The following RPS6KC1 variants were observed in gnomAD, a reference collection of about 807,000 sequenced individuals.
RPS6KC1 encodes the protein inactive ribosomal protein S6 kinase delta-1.
A neutral mutation model predicts 103.8 loss-of-function variants in RPS6KC1; 54 were observed. The ratio of observed to expected loss-of-function variants is 0.52; its 90% CI spans 0.42 to 0.65. The LOEUF is 0.65. Among genes scored for constraint, RPS6KC1 ranks in the 30% least tolerant of loss-of-function variants. RPS6KC1 has a pLI of 0.00. For synonymous variants in RPS6KC1, 439 were observed against 438.7 expected, an observed-to-expected ratio of 1.00 and a Z score of -0.01; for missense variants, 1,151 against 1,253.8, an observed-to-expected ratio of 0.92 and a Z score of 1.24.
At chr1:213,147,027 GT>G (rs912300419) in intron 6 of RPS6KC1, among the ~76,000 whole-genome samples, 4 of 152,088 alleles carry the variant, frequency 2.6e-5, no homozygotes, top group African/African-American at 9.6e-5. Flanking sequence ...TCTTATGCCC[GT>G]TTTTTGATTG....
intron 8 of RPS6KC1, among the ~76,000 whole-genome samples, chr1:213,217,774 CAT>C (rs1461474386): frequency 1.3e-5 from 2 of 152,210 alleles, no homozygotes; most frequent in African/African-American, 2.4e-5. Flanking sequence ...ACAAAAACCA[CAT>C]GATTACCTCA....
chr1:213,492,548 C>T, the RPS6KC1 span: 6 of 152,206 alleles, frequency 3.9e-5, no homozygotes, highest in African/African-American at 1.4e-4. Context: ...AAGGATTCTC[C>T]ACCTCCTTTT....
chr1:213,635,810 G>T, the RPS6KC1 span, among the ~76,000 whole-genome samples: 1 of 152,114 alleles, frequency 6.6e-6, no homozygotes, highest in Admixed American at 6.6e-5. Flanking sequence ...ATTCAAATAG[G>T]AAAAGAGGAA....
chr1:213,061,032 C>T (rs1181923263), intron 1 of RPS6KC1, among the ~76,000 whole-genome samples: 1 of 152,206 alleles, frequency 6.6e-6, no homozygotes, highest in African/African-American at 2.4e-5. Context: ...GATTTGCATA[C>T]AGCTGCCTTC....
the RPS6KC1 span, among the ~76,000 whole-genome samples, chr1:213,855,361 C>G: frequency 6.6e-6 from 1 of 152,218 alleles, no homozygotes; most frequent in Non-Finnish European, 1.5e-5. Flanking sequence ...CAACACTTCT[C>G]TTGTATTTCA....
the RPS6KC1 span, among the ~76,000 whole-genome samples, chr1:213,700,711 G>C: frequency 6.6e-6 from 1 of 151,412 alleles, no homozygotes; most frequent in Admixed American, 6.6e-5. Context: ...TCCAGTTTTT[G>C]GTACCCTCTT....
At chr1:213,298,691 CT>C in the RPS6KC1 span, among the ~76,000 whole-genome samples, 2 of 151,960 alleles carry the variant, frequency 1.3e-5, no homozygotes, top group Non-Finnish European at 2.9e-5. Context: ...CAGCAATCAT[CT>C]TTTTAATTTC....
chr1:213,196,666 A>G (rs1251276970), intron 8 of RPS6KC1, among the ~76,000 whole-genome samples: 1 of 152,158 alleles, frequency 6.6e-6, no homozygotes, highest in East Asian at 1.9e-4. Context: ...GTGTAAGGCG[A>G]GAGATGAGGA....
At chr1:213,779,905 T>C in the RPS6KC1 span, among the ~76,000 whole-genome samples, 1 of 152,144 alleles carries the variant, frequency 6.6e-6, no homozygotes, top group Non-Finnish European at 1.5e-5. Flanking sequence ...GGAAGAAGAT[T>C]GAGGAGAAGA....
At chr1:213,349,015 C>G in the RPS6KC1 span, among the ~76,000 whole-genome samples, 1 of 152,202 alleles carries the variant, frequency 6.6e-6, no homozygotes, top group Non-Finnish European at 1.5e-5. Flanking sequence ...CTAGGTGTCT[C>G]TTTCTCAAAT....
the RPS6KC1 span, among the ~76,000 whole-genome samples, chr1:213,583,923 G>A: frequency 8.7e-4 from 133 of 152,110 alleles, no homozygotes; most frequent in Non-Finnish European, 1.3e-3. Flanking sequence ...GGTCTGGAGT[G>A]AAGCTTCGGA....
the RPS6KC1 span, among the ~76,000 whole-genome samples, chr1:213,471,419 A>G: frequency 6.6e-6 from 1 of 152,198 alleles, no homozygotes; most frequent in Non-Finnish European, 1.5e-5. Flanking sequence ...TATTAAAGGA[A>G]TATGGTTAAC....
At chr1:213,648,448 A>G in the RPS6KC1 span, among the ~76,000 whole-genome samples, 1 of 152,140 alleles carries the variant, frequency 6.6e-6, no homozygotes. Context: ...ATAATCATCC[A>G]GGTGATGACC....
In RPS6KC1 at chr1:213,152,606, G is replaced by T. The variant is rs545940569; in HGVS notation, c.836-15252G>T. 4.7e-3 allele frequency among the ~76,000 whole-genome samples: 714 copies of T among 150,642 alleles called. 4 individuals are homozygous for T. The highest frequency in any genetic ancestry group is 0.014 in the African/African-American group (582 of 41,014). On this transcript the variant is annotated intron_variant, in intron 6 of 14. Transcript: ENST00000366960. ...GTGCTCCTCACATCCCAGACGGGGC[G>T]GCGGGGCAGAGGCGCTCCCCACATC... is the stretch of plus-strand genomic sequence containing the variant.
At chr1:213,580,965 G>A in the RPS6KC1 span, among the ~76,000 whole-genome samples, 2 of 152,186 alleles carry the variant, frequency 1.3e-5, no homozygotes, top group South Asian at 2.1e-4. Flanking sequence ...AAGTATGCCT[G>A]TATACAGGAA....
intron 8 of RPS6KC1, among the ~76,000 whole-genome samples, chr1:213,222,736 A>T (rs1296791441): frequency 6.6e-6 from 1 of 152,238 alleles, no homozygotes; most frequent in Non-Finnish European, 1.5e-5. Context: ...CACATTTTGG[A>T]TGTTTTAAGA....
the RPS6KC1 span, among the ~76,000 whole-genome samples, chr1:213,616,353 G>A: frequency 1.1e-4 from 16 of 152,314 alleles, no homozygotes; most frequent in South Asian, 4.1e-4. Flanking sequence ...AGGGCAGGGC[G>A]GGGCAGGACA....
intron 6 of RPS6KC1, among the ~76,000 whole-genome samples, chr1:213,132,443 T>TTTTGAC (rs1472649797): frequency 6.6e-6 from 1 of 152,222 alleles, no homozygotes; most frequent in Non-Finnish European, 1.5e-5. Flanking sequence ...GTTTCAGTCC[T>TTTTGAC]CCTGGTTACA....
chr1:213,359,602 A>G, the RPS6KC1 span, among the ~76,000 whole-genome samples: 1 of 152,082 alleles, frequency 6.6e-6, no homozygotes, highest in Non-Finnish European at 1.5e-5. Flanking sequence ...TGTCATTATG[A>G]TGTTAGCTGG....
Sources: gnomAD v4.1 joint callset for allele counts (sites outside exome capture counted in the v4.1 genomes callset) on GRCh38, gnomAD v4.1.1 for gene constraint, MANE v1.5 for transcripts, NCBI Gene and HGNC (gene_info 2026-07-23, HGNC 2026-07-21) for gene names.